TIMM22: variants seen among roughly 807,000 people sequenced by gnomAD.
TIMM22 encodes the protein translocase of inner mitochondrial membrane 22.
Under a neutral mutation model 18.3 loss-of-function variants are expected in TIMM22, and 12 were observed. That is an observed-to-expected ratio of 0.65 (90% CI 0.42 to 1.06). The LOEUF (loss-of-function observed/expected upper bound fraction) is 1.06, where lower values mean the gene tolerates loss of function less well. Among genes scored for constraint, TIMM22 ranks in the 50% least tolerant of loss-of-function variants. The pLI, the probability that TIMM22 is intolerant of heterozygous loss-of-function variation, is 0.00. For missense variants in TIMM22, 278 were observed against 252.8 expected, an observed-to-expected ratio of 1.10 and a Z score of -0.68; for synonymous variants, 107 against 98.5, an observed-to-expected ratio of 1.09 and a Z score of -0.51.
In TIMM22 at chr17:997,207, C is replaced by A; in HGVS notation, c.65C>A (p.Pro22Gln). The change falls in exon 1 of 4, where the codon CCG (proline) becomes CAG (glutamine). Residue 22 changes from proline (P) to glutamine (Q), a missense_variant. Transcript: ENST00000327158. ...APETAGSAEA[P>Q]LQYSLLLQYL... ...GAGACAGCGGGTTCCGCCGAAGCTC[C>A]GCTGCAGTACAGCCTGCTCCTGCAG... 1 of 1,612,800 alleles carries A rather than the reference C, an allele frequency of 6.2e-7. No individual in the cohort carries two copies. The highest frequency in any genetic ancestry group is 1.1e-5 in the South Asian group (1 of 91,070).
At chr17:997,984 G>T (rs780810069) in intron 1 of TIMM22, among the ~76,000 whole-genome samples, 1 of 152,238 alleles carries the variant, frequency 6.6e-6, no homozygotes, top group Non-Finnish European at 1.5e-5. Context: ...ATGTGGAGAA[G>T]AATGTTGAGC....
rs913446547 is a variant in TIMM22, at chr17:1,002,106, C to T, written c.*1018C>T. The T allele has an allele frequency of 6.6e-6, 1 of 151,068 alleles. No homozygotes were observed. Among genetic ancestry groups the T allele is most frequent in the African/African-American group, 2.4e-5 (1 of 40,954 alleles). 9.4% of individuals were successfully genotyped at this position (151,068 alleles called of 1,614,324 possible). The stretch of plus-strand genomic sequence containing the variant: ...TTAACATGTCGTGTTTTCGACTTGA[C>T]CTTGTGGTATTTTTCTTGGCCTAGT... On this transcript the variant is annotated 3_prime_UTR_variant, in exon 4 of 4. Transcript: ENST00000327158.
rs1251371605 is a variant in TIMM22 at position 997,424 on chromosome 17, C to T, written c.238+44C>T. 3.2e-6 allele frequency: 5 copies of T among 1,580,062 alleles called. No homozygotes were observed. In the African/African-American group the frequency reaches 4.0e-5, roughly 13 times the overall value. On this transcript the variant is annotated intron_variant, in intron 1 of 3. Transcript: ENST00000327158. ...ACCCTTGGGAGGCTGAGGGCCTGGACGGCAGTGGGGATCTCTGCCGAGAAG... is the reference window on the plus strand; with the variant it reads ...ACCCTTGGGAGGCTGAGGGCCTGGATGGCAGTGGGGATCTCTGCCGAGAAG...
chr17:999,484 G>C (rs1407017423), intron 2 of TIMM22, 28 bp from the exon 3 acceptor site: 3 of 1,611,266 alleles, frequency 1.9e-6, no homozygotes, highest in Admixed American at 1.7e-5. Flanking sequence ...TGTTTCTTTG[G>C]CTCTAACGTG....
rs183389220 is a variant in TIMM22, at chr17:1,003,158, C to G, written c.*2070C>G. ...AAAGATATGCCACTTTGAAGGAAAG[C>G]GTAGAGAAGCGTTTACATAAAAGAA... On this transcript the variant is annotated 3_prime_UTR_variant, in exon 4 of 4. Transcript: ENST00000327158. 1.4e-4 allele frequency: 22 copies of G among 152,292 alleles called. No homozygotes were observed. The highest frequency in any genetic ancestry group is 7.8e-4 in the Admixed American group (12 of 15,294). The allele number at this position is 152,292 out of a possible 1,614,324, so 9.4% of individuals were successfully genotyped here. A position where few individuals can be genotyped will look rare whatever the true frequency, so the allele number is the denominator to read the frequency against.
At position 1,002,436 on chromosome 17, in the gene TIMM22, T is replaced by C. The variant is rs892764295; in HGVS notation, c.*1348T>C. On this transcript the variant is annotated 3_prime_UTR_variant, in exon 4 of 4. Transcript: ENST00000327158. ...ACTCTTAACCAGCGTTCACACTCAG[T>C]GTACATGGCCTGGAGGCCCGAGTGT... 5.3e-5 allele frequency: 8 copies of C among 152,268 alleles called. No homozygotes were observed. Among genetic ancestry groups the C allele is most frequent in the African/African-American group, 1.9e-4 (8 of 41,454 alleles). 9.4% of individuals were successfully genotyped at this position (152,268 alleles called of 1,614,324 possible).
Position 1,001,784 on chromosome 17 carries a change from T to G in TIMM22, c.*696T>G, listed in dbSNP as rs1365343656. On this transcript the variant is annotated 3_prime_UTR_variant, in exon 4 of 4. Coordinates refer to ENST00000327158, the MANE Select transcript of TIMM22 (RefSeq NM_013337.4). The stretch of plus-strand genomic sequence containing the variant: ...GAGGCAGGGTTGTTAGAGGACTGTG[T>G]CATCCTCACCAAGCTCATTACATCT... The G allele has an allele frequency of 6.6e-6, 1 of 152,274 alleles. No homozygotes were observed. The highest frequency in any genetic ancestry group is 1.5e-5 in the Non-Finnish European group (1 of 68,130). The allele number at this position is 152,274 out of a possible 1,614,324, so 9.4% of individuals were successfully genotyped here. A position where few individuals can be genotyped will look rare whatever the true frequency, so the allele number is the denominator to read the frequency against.
chr17:999,435 G>GCAACCCTGTGTATTCCTC (rs1462307740), intron 2 of TIMM22, 77 bp from the exon 3 acceptor site: 1 of 1,467,996 alleles, frequency 6.8e-7, no homozygotes, highest in Non-Finnish European at 9.3e-7. Flanking sequence ...GAGCTAACGA[G>GCAACCCTGTGTATTCCTC]CAACCCTGTG....
Position 1,001,449 on chromosome 17 carries a change from C to A in TIMM22, c.*361C>A, listed in dbSNP as rs2069744251. 1 of 225,334 alleles carries A rather than the reference C, an allele frequency of 4.4e-6. No individual in the cohort carries two copies. The highest frequency in any genetic ancestry group is 5.9e-5 in the South Asian group (1 of 16,816). 14.0% of individuals were successfully genotyped at this position (225,334 alleles called of 1,614,324 possible). ...TGTGGGCACAGAGGTGACAGTGTCT[C>A]TGCAGGCACTCAGGAAGCTGTTCTA... is the stretch of plus-strand genomic sequence containing the variant. On this transcript the variant is annotated 3_prime_UTR_variant, in exon 4 of 4. Coordinates refer to ENST00000327158, the MANE Select transcript of TIMM22 (RefSeq NM_013337.4).
intron 2 of TIMM22, 52 bp downstream of exon 2, chr17:999,027 C>A: frequency 6.5e-7 from 1 of 1,546,540 alleles, no homozygotes; most frequent in Non-Finnish European, 8.8e-7. Context: ...CATTTCATTA[C>A]TTTTAAAGAG....
intron 3 of TIMM22, 40 bp from the exon 4 acceptor site, chr17:1,000,972 G>A: frequency 6.2e-7 from 1 of 1,611,450 alleles, no homozygotes; most frequent in East Asian, 2.2e-5. Flanking sequence ...TGACCCAGCA[G>A]CTGTCACCAC....
Position 1,001,399 on chromosome 17 carries a change from G to T in TIMM22, c.*311G>T. ...CCACAAAGCTTCAGGCCTGACCACA[G>T]CTGGCCCTCTAGGTTGTTTGGTGTT... On this transcript the variant is annotated 3_prime_UTR_variant, in exon 4 of 4. Transcript: ENST00000327158. 3.1e-6 allele frequency: 1 copy of T among 324,090 alleles called. No individual in the cohort carries two copies. Among genetic ancestry groups the T allele is most frequent in the Admixed American group, 4.4e-5 (1 of 22,562 alleles). The allele number at this position is 324,090 out of a possible 1,614,324, so 20.1% of individuals were successfully genotyped here.
rs2069816998 is a variant in TIMM22 at position 1,003,634 on chromosome 17, A to G, written c.*2546A>G. On this transcript the variant is annotated 3_prime_UTR_variant, in exon 4 of 4. Coordinates refer to ENST00000327158, the MANE Select transcript of TIMM22 (RefSeq NM_013337.4). ...TGAAACAGAACATAGACAAAAAAAT[A>G]TATCCTTACCAACTTATTAAAGTCA... 1 of 152,546 alleles carries G rather than the reference A, an allele frequency of 6.6e-6. No individual in the cohort carries two copies. The highest frequency in any genetic ancestry group is 1.5e-5 in the Non-Finnish European group (1 of 68,048). 9.4% of individuals were successfully genotyped at this position (152,546 alleles called of 1,614,324 possible).
chr17:999,718 G>A (rs1302524438), intron 3 of TIMM22, 134 bp downstream of exon 3: 1 of 927,082 alleles, frequency 1.1e-6, no homozygotes, highest in Non-Finnish European at 1.7e-6. Flanking sequence ...GTTTGTTTCT[G>A]TGGTAACTCG....
In TIMM22 at chr17:1,002,099, G is replaced by C. The variant is rs564745850; in HGVS notation, c.*1011G>C. Reference sequence around the variant, plus strand: ...AAGTGTTTTAACATGTCGTGTTTTCGACTTGACCTTGTGGTATTTTTCTTG... The same window carrying C: ...AAGTGTTTTAACATGTCGTGTTTTCCACTTGACCTTGTGGTATTTTTCTTG... On this transcript the variant is annotated 3_prime_UTR_variant, in exon 4 of 4. Transcript: ENST00000327158. 1 of 151,172 alleles carries C rather than the reference G, an allele frequency of 6.6e-6. No homozygotes were observed. Among genetic ancestry groups the C allele is most frequent in the Non-Finnish European group, 1.5e-5 (1 of 67,942 alleles). 9.4% of individuals were successfully genotyped at this position (151,172 alleles called of 1,614,324 possible). A position where few individuals can be genotyped will look rare whatever the true frequency, so the allele number is the denominator to read the frequency against.
intron 3 of TIMM22, among the ~76,000 whole-genome samples, chr17:1,000,679 T>C (rs886072921): frequency 6.6e-6 from 1 of 152,230 alleles, no homozygotes; most frequent in African/African-American, 2.4e-5. Flanking sequence ...TTCCCAGGAA[T>C]GTATTCCATA....
chr17:1,000,213 GT>G (rs2069730256), intron 3 of TIMM22, among the ~76,000 whole-genome samples: 1 of 151,310 alleles, frequency 6.6e-6, no homozygotes, highest in Non-Finnish European at 1.5e-5. Flanking sequence ...CTAGACAATT[GT>G]CTTTTAATTT....
intron 3 of TIMM22, among the ~76,000 whole-genome samples, chr17:1,000,329 CAAAAA>C (rs59329011): frequency 3.6e-5 from 5 of 137,734 alleles, no homozygotes; most frequent in Non-Finnish European, 4.7e-5. Flanking sequence ...TTATCAGCTG[CAAAAA>C]AAAAAAAAAA....
chr17:997,304 C>G lies in TIMM22; in HGVS notation c.162C>G (p.Ala54=), dbSNP rs948520682. 1.9e-6 allele frequency: 3 copies of G among 1,613,848 alleles called. No homozygotes were observed. Among genetic ancestry groups the G allele is most frequent in the Admixed American group, 1.7e-5 (1 of 60,016 alleles). Residue 54 remains alanine (A), a synonymous_variant, in exon 1 of 4, where the codon GCC becomes GCG. Coordinates refer to ENST00000327158, the MANE Select transcript of TIMM22 (RefSeq NM_013337.4). ...PGSLGGIPSP[A]KSEEQKMIEK... ...GCCTGGGCGGGATCCCAAGTCCAGCCAAGAGTGAGGAGCAGAAGATGATCG... is the reference window on the plus strand; with the variant it reads ...GCCTGGGCGGGATCCCAAGTCCAGCGAAGAGTGAGGAGCAGAAGATGATCG...
Sources: gnomAD v4.1 joint callset for allele counts (sites outside exome capture counted in the v4.1 genomes callset) on GRCh38, gnomAD v4.1.1 for gene constraint, MANE v1.5 for transcripts, NCBI Gene and HGNC (gene_info 2026-07-23, HGNC 2026-07-21) for gene names.